The following ARHGAP8 variants were observed in gnomAD, a reference collection of about 807,000 sequenced individuals.
The protein encoded by ARHGAP8 is rho GTPase-activating protein 8.
In ARHGAP8, 62 loss-of-function variants were observed where a neutral mutation model predicts 46.1. The observed-to-expected ratio is 1.34, with a 90% CI of 1.10 to 1.66. ARHGAP8 has a LOEUF of 1.66. Among genes scored for constraint, ARHGAP8 ranks in the 40% most tolerant of loss-of-function variants. The pLI is 0.00. For missense variants in ARHGAP8, 923 were observed against 568.4 expected (o/e 1.62, Z -6.34); for synonymous variants, 375 against 243.1 (o/e 1.54, Z -5.05).
rs1491157061 is a variant in ARHGAP8 at position 44,790,732 on chromosome 22, GTT to G, written c.79+4142_79+4143del. ...GGGAGCCCTGGGAAAGAACCTGGCCGTTTTTTTTTTTTTTTTTGGAGACGGAG... is the reference window on the plus strand; with the variant it reads ...GGGAGCCCTGGGAAAGAACCTGGCCGTTTTTTTTTTTTTTTGGAGACGGAG... On this transcript the variant is annotated intron_variant, in intron 2 of 11. Coordinates refer to ENST00000356099, the MANE Select transcript of ARHGAP8 (RefSeq NM_181335.3). Among the ~76,000 whole-genome samples, 18 of 58,126 alleles carry G rather than the reference GTT, an allele frequency of 3.1e-4. 1 individual carries two copies. The East Asian group carries it at 5.9e-3, about 19-fold the overall frequency. 38.1% of individuals were successfully genotyped at this position (58,126 alleles called of 152,430 possible).
intron 7 of ARHGAP8, among the ~76,000 whole-genome samples, chr22:44,834,019 G>A (rs886239328): frequency 1.1e-4 from 16 of 151,896 alleles, no homozygotes; most frequent in African/African-American, 3.9e-4. Context: ...CCTGATTTTA[G>A]TAATTTGAAT....
intron 7 of ARHGAP8, among the ~76,000 whole-genome samples, chr22:44,835,931 A>G (rs998606969): frequency 5.9e-5 from 9 of 152,196 alleles, no homozygotes; most frequent in African/African-American, 1.9e-4. Flanking sequence ...TCTGGAGACT[A>G]TACAATCCTT....
At chr22:44,784,740 G>A (rs541586627) in intron 1 of ARHGAP8, among the ~76,000 whole-genome samples, 2 of 152,352 alleles carry the variant, frequency 1.3e-5, no homozygotes, top group East Asian at 3.9e-4. Flanking sequence ...ACAGGGTCCA[G>A]GGAGCGGGAT....
intron 3 of ARHGAP8, among the ~76,000 whole-genome samples, chr22:44,803,778 C>A (rs1205611027): frequency 7.0e-6 from 1 of 142,528 alleles, no homozygotes; most frequent in Non-Finnish European, 1.5e-5. Flanking sequence ...TGCACACACC[C>A]CCTCCCAGGA....
intron 2 of ARHGAP8, among the ~76,000 whole-genome samples, chr22:44,787,349 TGTTTTGTTTTGTTTG>T (rs1927333050): frequency 1.2e-5 from 1 of 84,950 alleles, no homozygotes; most frequent in Non-Finnish European, 2.5e-5. Context: ...TGTTTTGTTT[TGTTTTGTTTTGTTTG>T]AGACAGGGTT....
At chr22:44,860,276 AAC>A (rs2070407414) in intron 11 of ARHGAP8, among the ~76,000 whole-genome samples, 2 of 152,112 alleles carry the variant, frequency 1.3e-5, no homozygotes, top group South Asian at 4.1e-4. Context: ...GGTGCCTTAA[AAC>A]AGATTTACTG....
intron 4 of ARHGAP8, chr22:44,809,265 G>A (rs1422915782): frequency 9.1e-6 from 4 of 437,190 alleles, no homozygotes; most frequent in Non-Finnish European, 1.9e-5. Context: ...CACGTGTCAT[G>A]AAATATTCTT....
In ARHGAP8 at chr22:44,833,199, T is replaced by G. The variant is rs539945933; in HGVS notation, c.596+7606T>G. On this transcript the variant is annotated intron_variant, in intron 7 of 11. Transcript: ENST00000356099. ...GCAACCTCAGATTCCTGGGCTCCAG[T>G]GATCCTCCTGTCTCAGCTTCCCAAG... 5.3e-5 allele frequency among the ~76,000 whole-genome samples: 8 copies of G among 151,560 alleles called. No individual in the cohort carries two copies. The South Asian group carries it at 6.3e-4, about 12-fold the overall frequency.
chr22:44,861,024 GAGAC>G, intron 11 of ARHGAP8, among the ~76,000 whole-genome samples: 1 of 152,204 alleles, frequency 6.6e-6, no homozygotes, highest in Non-Finnish European at 1.5e-5. Flanking sequence ...AAAATTTTTT[GAGAC>G]AGTCTTGCTC....
At chr22:44,767,984 C>CTTTGTTTTTTTTTT (rs1925708413) in intron 1 of ARHGAP8, among the ~76,000 whole-genome samples, 1 of 47,228 alleles carries the variant, frequency 2.1e-5, no homozygotes, top group Non-Finnish European at 3.6e-5. Flanking sequence ...CGCATGATGT[C>CTTTGTTTTTTTTTT]TTTTTTTTTT....
chr22:44,787,891 C>T (rs1461277683), intron 2 of ARHGAP8, among the ~76,000 whole-genome samples: 2 of 149,574 alleles, frequency 1.3e-5, no homozygotes, highest in Non-Finnish European at 3.0e-5. Flanking sequence ...ACTTGACAGG[C>T]ACTCAGTCAT....
intron 1 of ARHGAP8, among the ~76,000 whole-genome samples, chr22:44,775,788 A>AT (rs1410966438): frequency 2.0e-5 from 3 of 152,058 alleles, no homozygotes; most frequent in Non-Finnish European, 4.4e-5. Context: ...CCTGAATTCT[A>AT]TTTTTTAGCA....
At chr22:44,811,059 C>G (rs774276084) in intron 4 of ARHGAP8, among the ~76,000 whole-genome samples, 2 of 152,218 alleles carry the variant, frequency 1.3e-5, no homozygotes, top group East Asian at 3.9e-4. Context: ...GCAGCTCCCC[C>G]ACTTCTCAGT....
At chr22:44,861,134 G>A (rs1351677816) in intron 11 of ARHGAP8, among the ~76,000 whole-genome samples, 4 of 152,096 alleles carry the variant, frequency 2.6e-5, no homozygotes, top group African/African-American at 4.8e-5. Flanking sequence ...ACCATGCCCG[G>A]CTAATTTTTG....
intron 7 of ARHGAP8, among the ~76,000 whole-genome samples, chr22:44,838,731 A>G (rs929177816): frequency 3.9e-5 from 6 of 152,098 alleles, no homozygotes; most frequent in Non-Finnish European, 7.4e-5. Flanking sequence ...TTTGGAATCA[A>G]TGGATGCAGG....
intron 1 of ARHGAP8, among the ~76,000 whole-genome samples, chr22:44,757,805 A>ATTTTTTT (rs132444): frequency 7.3e-6 from 1 of 137,012 alleles, no homozygotes; most frequent in Non-Finnish European, 1.6e-5. Context: ...TGCCTGGCTA[A>ATTTTTTT]TTTTTTTTTT....
At chr22:44,830,576 A>G (rs1443077163) in intron 7 of ARHGAP8, among the ~76,000 whole-genome samples, 2 of 150,720 alleles carry the variant, frequency 1.3e-5, no homozygotes, top group African/African-American at 2.4e-5. Context: ...TTGCTCTGTC[A>G]CCCAGGCTGG....
chr22:44,782,363 T>TA (rs1484792322), intron 1 of ARHGAP8, among the ~76,000 whole-genome samples: 1 of 152,038 alleles, frequency 6.6e-6, no homozygotes, highest in Non-Finnish European at 1.5e-5. Context: ...ATGAAAAGAA[T>TA]AAATTAATCA....
intron 10 of ARHGAP8, among the ~76,000 whole-genome samples, chr22:44,859,250 T>G (rs113856072): frequency 5.3e-5 from 8 of 152,294 alleles, no homozygotes; most frequent in South Asian, 2.1e-4. Flanking sequence ...AGGTGGGGAC[T>G]GGTGGCAGGT....
Sources: gnomAD v4.1 joint callset for allele counts (sites outside exome capture counted in the v4.1 genomes callset) on GRCh38, gnomAD v4.1.1 for gene constraint, MANE v1.5 for transcripts, NCBI Gene and HGNC (gene_info 2026-07-23, HGNC 2026-07-21) for gene names.